Variants in TENM3 observed in about 807,000 individuals in gnomAD.
The protein encoded by TENM3 is teneurin-3.
A neutral mutation model predicts 255.1 loss-of-function variants in TENM3; 63 were observed. The observed-to-expected ratio is 0.25, with a 90% CI of 0.20 to 0.30. The LOEUF is 0.30. Among genes scored for constraint, TENM3 ranks in the 10% least tolerant of loss-of-function variants. The pLI is 1.00. For synonymous variants in TENM3, 1,306 were observed against 1,322.3 expected, an observed-to-expected ratio of 0.99 and a Z score of 0.27; for missense variants, 2,929 against 3,461.1, an observed-to-expected ratio of 0.85 and a Z score of 3.86.
the TENM3 span, among the ~76,000 whole-genome samples, chr4:181,553,633 G>A: frequency 6.6e-6 from 1 of 151,948 alleles, no homozygotes; most frequent in Non-Finnish European, 1.5e-5. Context: ...AGTAGAGACG[G>A]GGTTTCACCG....
chr4:182,563,291 AT>A (rs1743406357), intron 3 of TENM3, among the ~76,000 whole-genome samples: 1 of 152,134 alleles, frequency 6.6e-6, no homozygotes, highest in African/African-American at 2.4e-5. Context: ...TTAGCCAGGT[AT>A]GATGGTGTAT....
At chr4:181,522,911 TG>T in the TENM3 span, 1 of 913,810 alleles carries the variant, frequency 1.1e-6, no homozygotes, top group Non-Finnish European at 1.8e-6. Flanking sequence ...CTGGAATTGT[TG>T]TGCTGGTTAT....
chr4:182,049,960 G>A, the TENM3 span, among the ~76,000 whole-genome samples: 5 of 151,336 alleles, frequency 3.3e-5, no homozygotes, highest in African/African-American at 1.2e-4. Context: ...TAAAGGCAAG[G>A]GCACGTTTAA....
the TENM3 span, among the ~76,000 whole-genome samples, chr4:181,786,778 G>A: frequency 6.6e-6 from 1 of 151,974 alleles, no homozygotes; most frequent in Non-Finnish European, 1.5e-5. Context: ...GCACTTGGTG[G>A]GGGACAAGGC....
chr4:182,086,492 T>G, the TENM3 span, among the ~76,000 whole-genome samples: 1 of 152,252 alleles, frequency 6.6e-6, no homozygotes, highest in East Asian at 1.9e-4. Context: ...GATGAGAAAA[T>G]GGGAGAGGAA....
At chr4:181,983,928 T>C in the TENM3 span, among the ~76,000 whole-genome samples, 2 of 152,130 alleles carry the variant, frequency 1.3e-5, no homozygotes, top group Admixed American at 6.6e-5. Context: ...CCTTGATCTC[T>C]ACTTTTTGAA....
chr4:182,769,000 G>A (rs1316979083), intron 22 of TENM3, among the ~76,000 whole-genome samples: 2 of 152,166 alleles, frequency 1.3e-5, no homozygotes, highest in African/African-American at 2.4e-5. Context: ...GGAGCCTATT[G>A]CATTGTACAT....
At chr4:182,409,879 A>G (rs1769858484) in intron 3 of TENM3, among the ~76,000 whole-genome samples, 1 of 148,418 alleles carries the variant, frequency 6.7e-6, no homozygotes, top group South Asian at 2.1e-4. Context: ...GCTGGAGTGC[A>G]GTAGTGTGAT....
intron 1 of TENM3, among the ~76,000 whole-genome samples, chr4:182,268,941 G>T (rs1579963869): frequency 6.6e-6 from 1 of 152,108 alleles, no homozygotes; most frequent in South Asian, 2.1e-4. Flanking sequence ...TTTGGACTGT[G>T]AACTTGCCCT....
At chr4:182,520,566 AAG>A (rs1325877484) in intron 3 of TENM3, among the ~76,000 whole-genome samples, 1 of 152,202 alleles carries the variant, frequency 6.6e-6, no homozygotes, top group East Asian at 1.9e-4. Flanking sequence ...GCAGATACAA[AAG>A]AGTTTTGCAT....
intron 2 of TENM3, among the ~76,000 whole-genome samples, chr4:182,337,222 A>T (rs1452066095): frequency 6.6e-6 from 1 of 152,218 alleles, no homozygotes; most frequent in Non-Finnish European, 1.5e-5. Flanking sequence ...TCAAAATTAC[A>T]AAGTTTTGCT....
chr4:181,667,924 C>T, the TENM3 span, among the ~76,000 whole-genome samples: 3 of 152,092 alleles, frequency 2.0e-5, no homozygotes, highest in Non-Finnish European at 4.4e-5. Flanking sequence ...CCTCTTCTAC[C>T]AGGGCAATTT....
chr4:181,861,209 C>A, the TENM3 span, among the ~76,000 whole-genome samples: 1 of 152,130 alleles, frequency 6.6e-6, no homozygotes. Flanking sequence ...CCTGGCTCAC[C>A]TTTTAAGAAT....
At chr4:181,515,117 A>G in the TENM3 span, among the ~76,000 whole-genome samples, 1 of 152,232 alleles carries the variant, frequency 6.6e-6, no homozygotes, top group Admixed American at 6.5e-5. Context: ...TACAATATGT[A>G]GTGGGGCTCA....
chr4:181,634,218 A>T, the TENM3 span, among the ~76,000 whole-genome samples: 2 of 152,158 alleles, frequency 1.3e-5, no homozygotes, highest in Non-Finnish European at 2.9e-5. Flanking sequence ...TCTTGGCCTT[A>T]TGGGGCTGTA....
intron 3 of TENM3, among the ~76,000 whole-genome samples, chr4:182,580,847 T>C (rs997399194): frequency 6.6e-6 from 1 of 152,220 alleles, no homozygotes; most frequent in African/African-American, 2.4e-5. Context: ...TTTTTATGTG[T>C]GCAGTAATGT....
At chr4:182,382,135 AG>A (rs1459365004) in intron 3 of TENM3, among the ~76,000 whole-genome samples, 1 of 152,232 alleles carries the variant, frequency 6.6e-6, no homozygotes, top group Admixed American at 6.5e-5. Context: ...AGAGAGCCAA[AG>A]GATGTTATCG....
At chr4:182,004,916 G>T in the TENM3 span, among the ~76,000 whole-genome samples, 2 of 151,918 alleles carry the variant, frequency 1.3e-5, no homozygotes, top group African/African-American at 4.8e-5. Context: ...TCTTGATGGG[G>T]TTGTTTTCTT....
At chr4:181,704,675 A>G in the TENM3 span, among the ~76,000 whole-genome samples, 4 of 152,152 alleles carry the variant, frequency 2.6e-5, no homozygotes, top group East Asian at 7.7e-4. Flanking sequence ...CCAGCAGCTG[A>G]TTTGAGCTCT....
Sources: allele counts gnomAD v4.1 joint callset (sites outside exome capture counted in the v4.1 genomes callset), GRCh38; gene constraint gnomAD v4.1.1; transcripts MANE v1.5; gene names NCBI Gene and HGNC (gene_info 2026-07-23, HGNC 2026-07-21).